Variants in SDC2 observed in about 807,000 individuals in gnomAD.
The protein encoded by SDC2 is syndecan 2, also known as syndecan-2.
SDC2 carries 13 observed loss-of-function variants against 22.2 expected under a neutral mutation model. The observed-to-expected ratio is 0.59, with a 90% CI of 0.38 to 0.93. The LOEUF is 0.93. Among genes scored for constraint, SDC2 ranks in the 40% least tolerant of loss-of-function variants. The pLI is 0.00. For synonymous variants in SDC2, 94 were observed against 92.8 expected (o/e 1.01, Z -0.07); for missense variants, 235 against 246.8 (o/e 0.95, Z 0.32).
intron 1 of SDC2, among the ~76,000 whole-genome samples, chr8:96,509,820 G>A (rs1282909407): frequency 6.6e-6 from 1 of 152,160 alleles, no homozygotes; most frequent in Non-Finnish European, 1.5e-5. Context: ...GGCTTTCCAG[G>A]ACTCATCTGC....
At chr8:96,574,923 C>G (rs567312877) in intron 1 of SDC2, among the ~76,000 whole-genome samples, 9 of 152,290 alleles carry the variant, frequency 5.9e-5, no homozygotes, top group East Asian at 3.9e-4. Flanking sequence ...CGGGATGATT[C>G]AAGCGCAGTA....
rs1380187319 is a variant in SDC2 at position 96,509,021 on chromosome 8, A to G, written c.60+14690A>G. 7.7e-5 allele frequency among the ~76,000 whole-genome samples: 11 copies of G among 142,034 alleles called. 2 individuals carry two copies. The highest frequency in any genetic ancestry group is 2.8e-4 in the African/African-American group (11 of 39,764). 93.2% of individuals were successfully genotyped at this position (142,034 alleles called of 152,430 possible). ...CACTGATATTCTGATTTCTTTACCA[A>G]CTTTTAGCATATTGCTTTAATGGCT... On this transcript the variant is annotated intron_variant, in intron 1 of 4. Transcript: ENST00000302190.
chr8:96,509,996 T>TTCTTCAG (rs771948486), intron 1 of SDC2, among the ~76,000 whole-genome samples: 127 of 152,332 alleles, frequency 8.3e-4, no homozygotes, highest in Non-Finnish European at 1.5e-3. Flanking sequence ...ACTGCATAGC[T>TTCTTCAG]ATAAAGTAAG....
At chr8:96,554,689 A>G (rs1280166104) in intron 1 of SDC2, among the ~76,000 whole-genome samples, 1 of 152,188 alleles carries the variant, frequency 6.6e-6, no homozygotes, top group Non-Finnish European at 1.5e-5. Flanking sequence ...TTACGACTTG[A>G]TCCAGGTTAT....
At position 96,525,647 on chromosome 8, in the gene SDC2, G is replaced by A. The variant is rs541507478; in HGVS notation, c.60+31316G>A. Among the ~76,000 whole-genome samples, 15 of 152,186 alleles carry A rather than the reference G, an allele frequency of 9.9e-5. No homozygotes were observed. The South Asian group carries it at 2.9e-3, about 29-fold the overall frequency. ...GTGAGTTGAACTCAGACTGGTGCTC[G>A]GAAAGGTTAAAGGACTTGTCCAAGA... On this transcript the variant is annotated intron_variant, in intron 1 of 4. Coordinates refer to ENST00000302190, the MANE Select transcript of SDC2 (RefSeq NM_002998.4).
intron 1 of SDC2, among the ~76,000 whole-genome samples, chr8:96,574,120 C>T (rs544243199): frequency 7.3e-5 from 11 of 151,056 alleles, no homozygotes; most frequent in South Asian, 2.1e-4. Context: ...ACACCCTGCA[C>T]GGTGCTCAGT....
chr8:96,539,045 G>T (rs1038400398), intron 1 of SDC2, among the ~76,000 whole-genome samples: 9 of 152,252 alleles, frequency 5.9e-5, no homozygotes, highest in African/African-American at 2.2e-4. Flanking sequence ...AATGATTTGT[G>T]TGTCTGAAGA....
At chr8:96,541,695 G>GGGA (rs1813853707) in intron 1 of SDC2, among the ~76,000 whole-genome samples, 1 of 29,206 alleles carries the variant, frequency 3.4e-5, no homozygotes, top group Non-Finnish European at 2.1e-4. Context: ...GGCTGAGGGA[G>GGGA]GGGGCAATAG....
At chr8:96,603,682 A>G (rs1815030227) in intron 3 of SDC2, among the ~76,000 whole-genome samples, 1 of 151,924 alleles carries the variant, frequency 6.6e-6, no homozygotes, top group Admixed American at 6.6e-5. Flanking sequence ...CTCCTCCTCC[A>G]TCCTCCCAGT....
intron 1 of SDC2, among the ~76,000 whole-genome samples, chr8:96,540,190 C>G (rs2582834): frequency 0.57 from 86,361 of 150,674 alleles, 26,356 homozygotes; most frequent in Non-Finnish European, 0.7. Flanking sequence ...GCCCCGCCAG[C>G]TACAGCCTTG....
intron 1 of SDC2, among the ~76,000 whole-genome samples, chr8:96,517,743 GCA>G (rs1364121978): frequency 2.0e-5 from 2 of 98,088 alleles, no homozygotes; most frequent in Non-Finnish European, 4.2e-5. Context: ...ATATGTGTGT[GCA>G]TAAATACACA....
chr8:96,552,086 T>G (rs1814037323), intron 1 of SDC2, among the ~76,000 whole-genome samples: 1 of 152,218 alleles, frequency 6.6e-6, no homozygotes, highest in Non-Finnish European at 1.5e-5. Context: ...CACATTGGTG[T>G]GTGTTTGGCT....
At chr8:96,542,451 G>C (rs2130515774) in intron 1 of SDC2, among the ~76,000 whole-genome samples, 1 of 152,314 alleles carries the variant, frequency 6.6e-6, no homozygotes, top group Non-Finnish European at 1.5e-5. Flanking sequence ...CATGGCTAAT[G>C]CCTATTTAAT....
At chr8:96,582,734 G>C (rs115988208) in intron 1 of SDC2, among the ~76,000 whole-genome samples, 3,215 of 152,252 alleles carry the variant, frequency 0.021, 109 homozygotes, top group African/African-American at 0.074. Context: ...CAGCTCACTG[G>C]CATGTCAGCC....
intron 1 of SDC2, among the ~76,000 whole-genome samples, chr8:96,572,327 A>G (rs1215956777): frequency 6.6e-6 from 1 of 152,198 alleles, no homozygotes; most frequent in Non-Finnish European, 1.5e-5. Flanking sequence ...GCTTTGAAAC[A>G]TCTCTGGCCA....
chr8:96,608,376 C>G lies in SDC2; in HGVS notation c.348C>G (p.Asp116Glu), dbSNP rs1238884440. ...ATAAAGAGAAAGTTCACCTCTCTGA[C>G]TCAGAAAGGAAAATGGACCCAGCCG... ...ETDKEKVHLS[D>E]SERKMDPAEE... is the part of the protein sequence containing the mutation. Residue 116 changes from aspartate (D) to glutamate (E), a missense_variant, in exon 4 of 5, where the codon GAC becomes GAG. Coordinates refer to ENST00000302190, the MANE Select transcript of SDC2 (RefSeq NM_002998.4). 1.2e-6 allele frequency: 2 copies of G among 1,613,558 alleles called. No homozygotes were observed. Among genetic ancestry groups the G allele is most frequent in the African/African-American group, 2.7e-5 (2 of 75,028 alleles).
At chr8:96,608,297 C>T in intron 3 of SDC2, 38 bp from the exon 4 acceptor site, 1 of 1,591,116 alleles carries the variant, frequency 6.3e-7, no homozygotes. Context: ...AACACATTTC[C>T]TTAAATCAAT....
intron 1 of SDC2, among the ~76,000 whole-genome samples, chr8:96,553,212 C>T (rs77949860): frequency 6.6e-6 from 1 of 151,982 alleles, no homozygotes; most frequent in Non-Finnish European, 1.5e-5. Context: ...CCCCACAAAC[C>T]AGTATTTCTG....
chr8:96,561,514 G>A (rs957536710), intron 1 of SDC2, among the ~76,000 whole-genome samples: 5 of 152,114 alleles, frequency 3.3e-5, no homozygotes, highest in Non-Finnish European at 5.9e-5. Context: ...TGTGTGGGGC[G>A]GCCTGATTGA....
Sources: gnomAD v4.1 joint callset for allele counts (sites outside exome capture counted in the v4.1 genomes callset) on GRCh38, gnomAD v4.1.1 for gene constraint, MANE v1.5 for transcripts, NCBI Gene and HGNC (gene_info 2026-07-23, HGNC 2026-07-21) for gene names.